The following LRMDA variants were observed in gnomAD, a reference collection of about 807,000 sequenced individuals.
LRMDA encodes leucine rich melanocyte differentiation associated, also known as leucine-rich melanocyte differentiation-associated protein.
Under a neutral mutation model 29.8 loss-of-function variants are expected in LRMDA, and 18 were observed. The observed-to-expected ratio is 0.60, with a 90% CI of 0.42 to 0.90. The LOEUF is 0.90. Among genes scored for constraint, LRMDA ranks in the 40% least tolerant of loss-of-function variants. LRMDA has a pLI of 0.00. For synonymous variants in LRMDA, 125 were observed against 109.4 expected (o/e 1.14, Z -0.89); for missense variants, 273 against 273.9 (o/e 1.00, Z 0.02).
intron 6 of LRMDA, among the ~76,000 whole-genome samples, chr10:76,541,248 C>G (rs899066575): frequency 6.6e-6 from 1 of 152,176 alleles, no homozygotes; most frequent in Non-Finnish European, 1.5e-5. Context: ...CGCCTGTAAT[C>G]CAAGCACTTT....
intron 2 of LRMDA, among the ~76,000 whole-genome samples, chr10:75,592,389 TG>T (rs1295814951): frequency 6.6e-6 from 1 of 152,248 alleles, no homozygotes; most frequent in African/African-American, 2.4e-5. Context: ...AAACCTCATC[TG>T]CTGCCCGAAG....
At chr10:76,391,584 G>T (rs1476661984) in intron 6 of LRMDA, among the ~76,000 whole-genome samples, 2 of 152,104 alleles carry the variant, frequency 1.3e-5, no homozygotes, top group Non-Finnish European at 2.9e-5. Context: ...ACACACTTAG[G>T]GTGGAAAGCC....
At chr10:76,212,214 TTTTG>T (rs1293720951) in intron 5 of LRMDA, among the ~76,000 whole-genome samples, 1 of 150,522 alleles carries the variant, frequency 6.6e-6, no homozygotes, top group Non-Finnish European at 1.5e-5. Flanking sequence ...AGATTTTTCT[TTTTG>T]TATGGTGTGA....
chr10:75,627,167 T>C (rs1244426539), intron 2 of LRMDA, among the ~76,000 whole-genome samples: 1 of 152,370 alleles, frequency 6.6e-6, no homozygotes. Flanking sequence ...GTTGAGCTTG[T>C]ATTTTATTTT....
intron 2 of LRMDA, among the ~76,000 whole-genome samples, chr10:75,469,057 C>G (rs1844693737): frequency 1.3e-5 from 2 of 152,054 alleles, no homozygotes; most frequent in Admixed American, 1.3e-4. Context: ...CTCTGCAGAG[C>G]TCCTATGGGA....
chr10:76,353,674 T>C (rs542715285), intron 6 of LRMDA, among the ~76,000 whole-genome samples: 48 of 152,268 alleles, frequency 3.2e-4, no homozygotes, highest in African/African-American at 1.1e-3. Context: ...TTAATCACAG[T>C]GCACAGTCTG....
At chr10:75,554,595 G>T (rs1840191699) in intron 2 of LRMDA, among the ~76,000 whole-genome samples, 1 of 152,186 alleles carries the variant, frequency 6.6e-6, no homozygotes, top group South Asian at 2.1e-4. Context: ...TACAGCTAAT[G>T]ATGGTAATTA....
intron 2 of LRMDA, among the ~76,000 whole-genome samples, chr10:75,561,453 C>T (rs1010052570): frequency 6.6e-6 from 1 of 151,936 alleles, no homozygotes; most frequent in African/African-American, 2.4e-5. Context: ...AGCGGTCTGT[C>T]AATTTTGTTG....
chr10:75,839,703 T>A (rs1844502253), intron 2 of LRMDA, among the ~76,000 whole-genome samples: 2 of 132,144 alleles, frequency 1.5e-5, no homozygotes, highest in African/African-American at 5.8e-5. Flanking sequence ...CGACTTTCTT[T>A]TTTTTTTTTT....
intron 2 of LRMDA, among the ~76,000 whole-genome samples, chr10:75,925,666 TTTTTC>T (rs2132394961): frequency 5.8e-5 from 1 of 17,372 alleles, no homozygotes; most frequent in Non-Finnish European, 1.2e-4. Flanking sequence ...AAGCATTTTC[TTTTTC>T]TTTTTTTTTT....
At chr10:75,678,328 CG>C (rs1841985602) in intron 2 of LRMDA, among the ~76,000 whole-genome samples, 1 of 152,218 alleles carries the variant, frequency 6.6e-6, no homozygotes, top group South Asian at 2.1e-4. Flanking sequence ...AGACAAGAAC[CG>C]CTTATAAAAA....
chr10:76,536,239 A>T (rs1843289844), intron 6 of LRMDA, among the ~76,000 whole-genome samples: 1 of 152,234 alleles, frequency 6.6e-6, no homozygotes. Context: ...CACCATTGTT[A>T]CCTAATATGT....
intron 5 of LRMDA, among the ~76,000 whole-genome samples, chr10:76,242,831 T>C (rs116221708): frequency 0.022 from 3,330 of 152,318 alleles, 119 homozygotes; most frequent in African/African-American, 0.076. Context: ...TCTTGACATA[T>C]AGAAGGGTTC....
intron 2 of LRMDA, among the ~76,000 whole-genome samples, chr10:75,617,889 CGCT>C (rs1564523532): frequency 2.0e-5 from 3 of 152,194 alleles, no homozygotes; most frequent in Admixed American, 6.6e-5. Flanking sequence ...GGAGACCTGG[CGCT>C]ACAGAAGACT....
intron 2 of LRMDA, among the ~76,000 whole-genome samples, chr10:75,745,339 G>A (rs1294601778): frequency 6.6e-6 from 1 of 151,560 alleles, no homozygotes; most frequent in African/African-American, 2.4e-5. Flanking sequence ...AAAAAATCAG[G>A]GTGAAATTCA....
chr10:76,357,615 G>C (rs992876611), intron 6 of LRMDA, among the ~76,000 whole-genome samples: 23 of 152,128 alleles, frequency 1.5e-4, no homozygotes, highest in Non-Finnish European at 2.9e-5. Flanking sequence ...ACAGACAGCA[G>C]GGAAGCATGG....
intron 6 of LRMDA, among the ~76,000 whole-genome samples, chr10:76,546,900 A>G (rs1361577305): frequency 6.6e-6 from 1 of 152,182 alleles, no homozygotes; most frequent in African/African-American, 2.4e-5. Flanking sequence ...TGACCCATGT[A>G]CCAGAGACCA....
intron 2 of LRMDA, among the ~76,000 whole-genome samples, chr10:75,616,639 T>A (rs1841106124): frequency 6.6e-6 from 1 of 152,234 alleles, no homozygotes; most frequent in Non-Finnish European, 1.5e-5. Flanking sequence ...TGTTTGACTA[T>A]TTTCTGATAA....
rs1459442138 is a variant in LRMDA, at chr10:76,363,176, A to AGAAAGAAAGAAG, written c.601+38692_601+38693insAAAGAAAGAAGG. ...AAGAAAGAAAGAAAGAAAGAAAGAA[A>AGAAAGAAAGAAG]GGAGGGAGGGAGGGAGGGAGGGAGG... On this transcript the variant is annotated intron_variant, in intron 6 of 6. Transcript: ENST00000611255. Among the ~76,000 whole-genome samples, 150 of 21,792 alleles carry AGAAAGAAAGAAG rather than the reference A, an allele frequency of 6.9e-3. 14 individuals are homozygous for AGAAAGAAAGAAG. Among genetic ancestry groups the AGAAAGAAAGAAG allele is most frequent in the Admixed American group, 0.019 (40 of 2,060 alleles). 14.3% of individuals were successfully genotyped at this position (21,792 alleles called of 152,430 possible).
Sources: gnomAD v4.1 joint callset for allele counts (sites outside exome capture counted in the v4.1 genomes callset) on GRCh38, gnomAD v4.1.1 for gene constraint, MANE v1.5 for transcripts, NCBI Gene and HGNC (gene_info 2026-07-23, HGNC 2026-07-21) for gene names.